Variants in UBXN2B observed in about 807,000 individuals in gnomAD.
The protein encoded by UBXN2B is UBX domain protein 2B, also known as UBX domain-containing protein 2B.
In UBXN2B, 19 loss-of-function variants were observed where a neutral mutation model predicts 37.5. The observed-to-expected ratio is 0.51, with a 90% confidence interval of 0.35 to 0.74. The LOEUF (loss-of-function observed/expected upper bound fraction) is 0.74, where lower values mean the gene tolerates loss of function less well. UBXN2B is among the 30% of genes least tolerant of loss of function. The pLI, the probability that UBXN2B is intolerant of heterozygous loss-of-function variation, is 0.01. For missense variants in UBXN2B, 370 were observed against 393.2 expected, an observed-to-expected ratio of 0.94 and a Z score of 0.50; for synonymous variants, 145 against 143.8, an observed-to-expected ratio of 1.01 and a Z score of -0.06.
At chr8:58,444,161 C>G (rs1313987196) in intron 6 of UBXN2B, among the ~76,000 whole-genome samples, 1 of 152,196 alleles carries the variant, frequency 6.6e-6, no homozygotes, top group African/African-American at 2.4e-5. Context: ...AATAGGGAGG[C>G]AACTTGGTGT....
At chr8:58,431,302 A>G (rs1342812723) in intron 3 of UBXN2B, among the ~76,000 whole-genome samples, 1 of 152,224 alleles carries the variant, frequency 6.6e-6, no homozygotes, top group African/African-American at 2.4e-5. Flanking sequence ...GTGAAACTAC[A>G]GTGTTATACA....
intron 2 of UBXN2B, among the ~76,000 whole-genome samples, chr8:58,418,024 T>A (rs1173186620): frequency 6.6e-6 from 1 of 152,050 alleles, no homozygotes; most frequent in Admixed American, 6.5e-5. Context: ...GCAGATCACT[T>A]GAGGTCAGGA....
At chr8:58,435,150 A>G in intron 5 of UBXN2B, 1 of 1,363,232 alleles carries the variant, frequency 7.3e-7, no homozygotes, top group Non-Finnish European at 9.5e-7. Context: ...AACTAAAGAC[A>G]TAAAGTTGAG....
At position 58,448,057 on chromosome 8, in the gene UBXN2B, C is replaced by T. The variant is rs1808719796; in HGVS notation, c.*506C>T. 4 of 152,070 alleles carry T rather than the reference C, an allele frequency of 2.6e-5. No homozygotes were observed. The South Asian group carries it at 8.3e-4, about 32-fold the overall frequency. The allele number at this position is 152,070 out of a possible 1,614,324, so 9.4% of individuals were successfully genotyped here. A position where few individuals can be genotyped will look rare whatever the true frequency, so the allele number is the denominator to read the frequency against. On this transcript the variant is annotated 3_prime_UTR_variant, in exon 8 of 8. Coordinates refer to ENST00000399598, the MANE Select transcript of UBXN2B (RefSeq NM_001077619.2). ...TTCTCCTATTAAGATTTTACACATC[C>T]TTTTTACTTACTGATTTAGATATAT...
chr8:58,449,968 A>T lies in UBXN2B; in HGVS notation c.*2417A>T, dbSNP rs1249043844. On this transcript the variant is annotated 3_prime_UTR_variant, in exon 8 of 8. Transcript: ENST00000399598. ...AGGCTCCTCACGTATCTTTCCTGGAAAATCCTGTCTCTGTTTTTGGCTTTT... is the reference window on the plus strand; with the variant it reads ...AGGCTCCTCACGTATCTTTCCTGGATAATCCTGTCTCTGTTTTTGGCTTTT... The T allele has an allele frequency of 6.6e-6, 1 of 152,200 alleles. No homozygotes were observed. Among genetic ancestry groups the T allele is most frequent in the Admixed American group, 6.5e-5 (1 of 15,290 alleles). 9.4% of individuals were successfully genotyped at this position (152,200 alleles called of 1,614,324 possible). A position where few individuals can be genotyped will look rare whatever the true frequency, so the allele number is the denominator to read the frequency against.
intron 2 of UBXN2B, among the ~76,000 whole-genome samples, chr8:58,420,756 C>G (rs1807904908): frequency 6.6e-6 from 1 of 152,194 alleles, no homozygotes; most frequent in South Asian, 2.1e-4. Flanking sequence ...CTAAAACCAA[C>G]TGTTCAATAG....
chr8:58,416,875 A>T lies in UBXN2B; in HGVS notation c.110A>T (p.Asp37Val), dbSNP rs1393933997. 1 of 1,612,720 alleles carries T rather than the reference A, an allele frequency of 6.2e-7. No individual in the cohort carries two copies. Among genetic ancestry groups the T allele is most frequent in the Non-Finnish European group, 8.5e-7 (1 of 1,179,020 alleles). Residue 37 changes from aspartate (D) to valine (V), a missense_variant, in exon 2 of 8, where the codon GAT (aspartate) becomes GTT (valine). Around this residue, in one of 3 missense-constraint regions of UBXN2B, gnomAD observed 197 missense variants for 170.2 expected, o/e 1.16. Transcript: ENST00000399598. The stretch of plus-strand genomic sequence containing the variant: ...TTGGCCTTGGCAGAATTGTATGAAG[A>T]TGAAGTGAAGTGCAAATCTTCCAAG... ...LQLALAELYE[D>V]EVKCKSSKSN...
Position 58,448,191 on chromosome 8 carries a change from G to A in UBXN2B, c.*640G>A, listed in dbSNP as rs891872697. ...AGCAATTCTTTTTTTTTTTTTTTTT[G>A]ATATGGAGTTTTGCTCTTGTTGCCC... On this transcript the variant is annotated 3_prime_UTR_variant, in exon 8 of 8. Coordinates refer to ENST00000399598, the MANE Select transcript of UBXN2B (RefSeq NM_001077619.2). 11 of 72,984 alleles carry A rather than the reference G, an allele frequency of 1.5e-4. No homozygotes were observed. The highest frequency in any genetic ancestry group is 5.9e-5 in the African/African-American group (1 of 16,994). 4.5% of individuals were successfully genotyped at this position (72,984 alleles called of 1,614,324 possible). A position where few individuals can be genotyped will look rare whatever the true frequency, so the allele number is the denominator to read the frequency against.
rs13277646 is a variant in UBXN2B at position 58,416,879 on chromosome 8, A to G, written c.114A>G (p.Glu38=). 462,348 of 1,611,050 alleles carry G rather than the reference A, an allele frequency of 0.29. 70,403 individuals are homozygous for G. Among genetic ancestry groups the G allele is most frequent in the Admixed American group, 0.55 (32,606 of 59,824 alleles). ...QLALAELYED[E]VKCKSSKSNR... Reference sequence around the variant, plus strand: ...CCTTGGCAGAATTGTATGAAGATGAAGTGAAGTGCAAATCTTCCAAGTCTA... The same window carrying G: ...CCTTGGCAGAATTGTATGAAGATGAGGTGAAGTGCAAATCTTCCAAGTCTA... The change falls in exon 2 of 8, where the codon GAA becomes GAG. Residue 38 remains glutamate (E), a synonymous_variant. Coordinates refer to ENST00000399598, the MANE Select transcript of UBXN2B (RefSeq NM_001077619.2).
In UBXN2B at chr8:58,429,286, C is replaced by G. The variant is rs567027429; in HGVS notation, c.189-1233C>G. Among the ~76,000 whole-genome samples the G allele has an allele frequency of 1.7e-3, 266 of 152,160 alleles. 1 individual carries two copies. Among genetic ancestry groups the G allele is most frequent in the African/African-American group, 5.9e-3 (243 of 41,514 alleles). ...AGCTGCAGCAGGAAGTGTTGCTTTG[C>G]TTTTCTGTGTTTGTCGTCGCTCCCT... is the stretch of plus-strand genomic sequence containing the variant. On this transcript the variant is annotated intron_variant, in intron 2 of 7. Coordinates refer to ENST00000399598, the MANE Select transcript of UBXN2B (RefSeq NM_001077619.2).
chr8:58,432,459 T>G (rs1808308844), intron 3 of UBXN2B, among the ~76,000 whole-genome samples: 1 of 141,110 alleles, frequency 7.1e-6, no homozygotes, highest in Non-Finnish European at 1.5e-5. Context: ...CTGGGCTGAC[T>G]GCAAGCTCCG....
chr8:58,447,672 T>G lies in UBXN2B; in HGVS notation c.*121T>G, dbSNP rs1203537768. 1.0e-6 allele frequency: 1 copy of G among 1,002,128 alleles called. No individual in the cohort carries two copies. The highest frequency in any genetic ancestry group is 2.7e-5 in the East Asian group (1 of 36,562). The allele number at this position is 1,002,128 out of a possible 1,614,324, so 62.1% of individuals were successfully genotyped here. The stretch of plus-strand genomic sequence containing the variant: ...ATTATTTTTACAGATAAATTTTGGT[T>G]TTATTGTTATTCTGTCTTCCAATCT... On this transcript the variant is annotated 3_prime_UTR_variant, in exon 8 of 8. Coordinates refer to ENST00000399598, the MANE Select transcript of UBXN2B (RefSeq NM_001077619.2).
chr8:58,423,889 C>T (rs184192833), intron 2 of UBXN2B, among the ~76,000 whole-genome samples: 5 of 151,758 alleles, frequency 3.3e-5, no homozygotes, highest in African/African-American at 1.2e-4. Flanking sequence ...GTTTTCCCAC[C>T]ACAACCTTCT....
chr8:58,433,018 T>C (rs1044007708), intron 3 of UBXN2B, 142 bp from the exon 4 acceptor site: 10 of 569,044 alleles, frequency 1.8e-5, no homozygotes, highest in Middle Eastern at 4.9e-4. Context: ...TCAAGTCTTA[T>C]GGTAATTTTG....
At chr8:58,416,989 A>G in intron 2 of UBXN2B, 36 bp downstream of exon 2, 2 of 1,502,134 alleles carry the variant, frequency 1.3e-6, no homozygotes, top group Non-Finnish European at 1.8e-6. Context: ...AAAAGAAATT[A>G]TAATCCTTTC....
chr8:58,426,150 T>G, intron 2 of UBXN2B: 2 of 1,039,056 alleles, frequency 1.9e-6, no homozygotes, highest in Admixed American at 3.4e-5. Flanking sequence ...TCAGCCAAAG[T>G]GGAAAATTTC....
chr8:58,435,340 A>T (rs954554900), intron 5 of UBXN2B, among the ~76,000 whole-genome samples: 2 of 152,224 alleles, frequency 1.3e-5, no homozygotes, highest in African/African-American at 4.8e-5. Flanking sequence ...TTAGAAGACT[A>T]ATTAGCATGA....
chr8:58,429,609 C>CT (rs1353806815), intron 2 of UBXN2B, among the ~76,000 whole-genome samples: 1 of 152,016 alleles, frequency 6.6e-6, no homozygotes, highest in African/African-American at 2.4e-5. Context: ...GTTCTTTCCT[C>CT]TATCTTACTC....
chr8:58,414,776 T>C (rs1295298831), intron 1 of UBXN2B, among the ~76,000 whole-genome samples: 1 of 152,150 alleles, frequency 6.6e-6, no homozygotes, highest in East Asian at 1.9e-4. Flanking sequence ...CGTTAATAAC[T>C]AGGATCTTTC....
Sources: allele counts gnomAD v4.1 joint callset (sites outside exome capture counted in the v4.1 genomes callset), GRCh38; gene constraint gnomAD v4.1.1; regional missense constraint gnomAD v4.1.1; transcripts MANE v1.5; gene names NCBI Gene and HGNC (gene_info 2026-07-23, HGNC 2026-07-21).